INSR: variants seen among roughly 807,000 people sequenced by gnomAD.
The protein encoded by INSR is IR.
In INSR, 67 loss-of-function variants were observed where a neutral mutation model predicts 142.6. The observed-to-expected ratio is 0.47, with a 90% CI of 0.39 to 0.58. The LOEUF is 0.58. Among genes scored for constraint, INSR ranks in the 20% least tolerant of loss-of-function variants. The pLI is 0.00. For synonymous variants in INSR, 756 were observed against 743.1 expected (o/e 1.02, Z -0.28); for missense variants, 1,248 against 1,833.2 (o/e 0.68, Z 5.83).
At chr19:7,162,363 C>A (rs1003286546) in intron 9 of INSR, among the ~76,000 whole-genome samples, 2 of 143,246 alleles carry the variant, frequency 1.4e-5, no homozygotes, top group African/African-American at 2.6e-5. Flanking sequence ...CCTGGGCATG[C>A]TGGTGCACAC....
At chr19:7,139,077 G>C (rs965380156) in intron 13 of INSR, among the ~76,000 whole-genome samples, 1 of 152,086 alleles carries the variant, frequency 6.6e-6, no homozygotes, top group African/African-American at 2.4e-5. Context: ...GTTTGTATAT[G>C]GGGCATGTCC....
chr19:7,163,588 A>G (rs77496929), intron 8 of INSR, among the ~76,000 whole-genome samples: 13,830 of 151,778 alleles, frequency 0.091, 760 homozygotes, highest in South Asian at 0.25. Flanking sequence ...AAAGAAAAAA[A>G]AAACCACCAC....
chr19:7,282,896 C>T (rs1330628077), intron 1 of INSR, among the ~76,000 whole-genome samples: 1 of 151,906 alleles, frequency 6.6e-6, no homozygotes, highest in African/African-American at 2.4e-5. Context: ...TGGCATGAAC[C>T]CGGAAGGCGA....
chr19:7,202,454 C>T (rs927777162), intron 2 of INSR, among the ~76,000 whole-genome samples: 1 of 152,112 alleles, frequency 6.6e-6, no homozygotes, highest in Admixed American at 6.6e-5. Flanking sequence ...TTTCGATCCT[C>T]CAACTTAAGA....
intron 3 of INSR, among the ~76,000 whole-genome samples, chr19:7,182,253 T>G (rs1974293185): frequency 6.6e-6 from 1 of 152,088 alleles, no homozygotes; most frequent in Admixed American, 6.6e-5. Context: ...GAGAATCACT[T>G]GAACCCGGGA....
chr19:7,284,687 C>T (rs570064625), intron 1 of INSR, among the ~76,000 whole-genome samples: 2 of 152,170 alleles, frequency 1.3e-5, no homozygotes, highest in South Asian at 4.1e-4. Context: ...CGCCACCACA[C>T]CTGGCTAATT....
At chr19:7,209,977 T>A (rs1219017382) in intron 2 of INSR, among the ~76,000 whole-genome samples, 1 of 152,046 alleles carries the variant, frequency 6.6e-6, no homozygotes, top group African/African-American at 2.4e-5. Flanking sequence ...GTGGGTTGAA[T>A]AAGTAAATTC....
intron 1 of INSR, among the ~76,000 whole-genome samples, chr19:7,285,581 A>T (rs1009403832): frequency 2.6e-5 from 4 of 152,104 alleles, no homozygotes; most frequent in African/African-American, 9.7e-5. Context: ...GGCTGCAGGG[A>T]ATTAGGACCA....
In INSR at chr19:7,115,035, T is replaced by G. The variant is rs1461926338; in HGVS notation, c.*2021A>C. 3 of 152,200 alleles carry G rather than the reference T, an allele frequency of 2.0e-5. No homozygotes were observed. Among genetic ancestry groups the G allele is most frequent in the Non-Finnish European group, 2.9e-5 (2 of 68,044 alleles). The allele number at this position is 152,200 out of a possible 1,614,324, so 9.4% of individuals were successfully genotyped here. On this transcript the variant is annotated 3_prime_UTR_variant, in exon 22 of 22. Transcript: ENST00000302850. Reference sequence around the variant, plus strand: ...CTCAGCAATATTTTTACATGCTGTATTTTCCCGAATCATATAAATAAGATA... The same window carrying G: ...CTCAGCAATATTTTTACATGCTGTAGTTTCCCGAATCATATAAATAAGATA...
rs1019842838 is a variant in INSR, at chr19:7,115,353, G to A, written c.*1703C>T. ...CCCATTCGGAAGTTCTTGGTGGTGT[G>A]TAAGGTCTTTTTCACGGTTTCTCCT... On this transcript the variant is annotated 3_prime_UTR_variant, in exon 22 of 22. Coordinates refer to ENST00000302850, the MANE Select transcript of INSR (RefSeq NM_000208.4). The A allele has an allele frequency of 6.6e-6, 1 of 152,228 alleles. No individual in the cohort carries two copies. Among genetic ancestry groups the A allele is most frequent in the Non-Finnish European group, 1.5e-5 (1 of 68,054 alleles). 9.4% of individuals were successfully genotyped at this position (152,228 alleles called of 1,614,324 possible). A position where few individuals can be genotyped will look rare whatever the true frequency, so the allele number is the denominator to read the frequency against.
chr19:7,140,977 C>T (rs558342275), intron 13 of INSR, among the ~76,000 whole-genome samples: 3 of 152,336 alleles, frequency 2.0e-5, no homozygotes, highest in African/African-American at 7.2e-5. Context: ...CATCTCTGCA[C>T]TCACCCAGCA....
intron 1 of INSR, 132 bp downstream of exon 1, chr19:7,293,660 C>G (rs1968556977): frequency 1.4e-6 from 1 of 718,932 alleles, no homozygotes; most frequent in African/African-American, 1.9e-5. Flanking sequence ...GATGCAGGAG[C>G]TACCGTCCTG....
intron 2 of INSR, among the ~76,000 whole-genome samples, chr19:7,196,528 GACTTGCGC>G (rs1176189086): frequency 1.3e-5 from 2 of 152,184 alleles, no homozygotes; most frequent in Non-Finnish European, 2.9e-5. Flanking sequence ...ATTGTTAAAT[GACTTGCGC>G]ACAAAAATCC....
At chr19:7,218,209 C>T (rs901993828) in intron 2 of INSR, among the ~76,000 whole-genome samples, 11 of 151,852 alleles carry the variant, frequency 7.2e-5, no homozygotes, top group Admixed American at 2.0e-4. Context: ...CTGGTTGTTG[C>T]AACCAGTGTG....
intron 13 of INSR, among the ~76,000 whole-genome samples, chr19:7,137,522 T>C (rs1398777764): frequency 1.3e-5 from 2 of 152,076 alleles, no homozygotes; most frequent in Admixed American, 1.3e-4. Flanking sequence ...GCATGGTGGC[T>C]CACGCCTGTA....
intron 1 of INSR, among the ~76,000 whole-genome samples, chr19:7,277,678 T>C (rs1238927991): frequency 6.6e-6 from 1 of 151,962 alleles, no homozygotes; most frequent in African/African-American, 2.4e-5. Context: ...GCGTCTGTGC[T>C]CCCGGCTACT....
chr19:7,249,684 C>T (rs2396186), intron 2 of INSR, among the ~76,000 whole-genome samples: 20,674 of 151,760 alleles, frequency 0.14, 1,458 homozygotes, highest in East Asian at 0.19. Flanking sequence ...TCCATCTGTA[C>T]AAAAAATAAA....
At position 7,292,092 on chromosome 19, in the gene INSR, C is replaced by CTT. The variant is rs74826915; in HGVS notation, c.100+1698_100+1699dup. On this transcript the variant is annotated intron_variant, in intron 1 of 21. Coordinates refer to ENST00000302850, the MANE Select transcript of INSR (RefSeq NM_000208.4). Reference sequence around the variant, plus strand: ...ACAAGCGTGAGCCACCACGCCCCGCCTTTTTTTTTATTTTTTTGAGACAAA... The same window carrying CTT: ...ACAAGCGTGAGCCACCACGCCCCGCCTTTTTTTTTTTATTTTTTTGAGACAAA... Among the ~76,000 whole-genome samples, 928 of 150,168 alleles carry CTT rather than the reference C, an allele frequency of 6.2e-3. 11 individuals carry two copies. The highest frequency in any genetic ancestry group is 0.02 in the African/African-American group (809 of 40,830).
chr19:7,172,190 G>C, intron 5 of INSR, 100 bp downstream of exon 5: 1 of 1,274,380 alleles, frequency 7.8e-7, no homozygotes, highest in African/African-American at 1.5e-5. Context: ...GGGATTACAG[G>C]CATCAGCCAC....
Sources: gnomAD v4.1 joint callset for allele counts (sites outside exome capture counted in the v4.1 genomes callset) on GRCh38, gnomAD v4.1.1 for gene constraint, MANE v1.5 for transcripts, NCBI Gene and HGNC (gene_info 2026-07-23, HGNC 2026-07-21) for gene names.